Variants in CD300LD observed in about 807,000 individuals in gnomAD.
The protein encoded by CD300LD is CMRF35-like molecule 5.
A neutral mutation model predicts 20.3 loss-of-function variants in CD300LD; 18 were observed. The ratio of observed to expected loss-of-function variants is 0.89; its 90% CI spans 0.61 to 1.32. The LOEUF (loss-of-function observed/expected upper bound fraction) is 1.32. Among genes scored for constraint, CD300LD ranks in the 40% most tolerant of loss-of-function variants. CD300LD has a pLI of 0.00. For synonymous variants in CD300LD, 104 were observed against 90.1 expected (o/e 1.15, Z -0.87); for missense variants, 195 against 226.6 (o/e 0.86, Z 0.90).
At position 74,588,632 on chromosome 17, in the gene CD300LD, T is replaced by C; in HGVS notation, c.258A>G (p.Lys86=). 6.2e-7 allele frequency: 1 copy of C among 1,614,182 alleles called. No homozygotes were observed. The highest frequency in any genetic ancestry group is 1.1e-5 in the South Asian group (1 of 91,080). ...KNRVSIRDNQ[K]NHVFTVTMEN... ...CCATGGTCACGGTGAACACGTGGTT[T>C]TTCTGATTGTCCCTGATGGAAACTC... Residue 86 remains lysine, a synonymous_variant, in exon 2 of 4, where the codon AAA becomes AAG. Coordinates refer to ENST00000375352, the MANE Select transcript of CD300LD (RefSeq NM_001115152.2).
Position 74,580,096 on chromosome 17 carries a change from G to A in CD300LD, c.491C>T (p.Thr164Ile). ...SPLTRSPLKS[T>I]HFLFLFLLEL... ...CAGGAGGAACAGGAACAGGAAGTGGGTGCTCTTGAGCGGGGACCTGTGGGA... is the reference window on the plus strand; with the variant it reads ...CAGGAGGAACAGGAACAGGAAGTGGATGCTCTTGAGCGGGGACCTGTGGGA... The change falls in exon 4 of 4, where the codon ACC becomes ATC. Residue 164 changes from threonine to isoleucine, a missense_variant. Thr to Ile is a moderately conservative substitution (Grantham distance 89). Transcript: ENST00000375352. The A allele has an allele frequency of 6.2e-7, 1 of 1,611,858 alleles. No homozygotes were observed. Among genetic ancestry groups the A allele is most frequent in the Non-Finnish European group, 8.5e-7 (1 of 1,178,834 alleles).
intron 1 of CD300LD, among the ~76,000 whole-genome samples, chr17:74,591,200 GC>G (rs2030304193): frequency 6.7e-6 from 1 of 150,136 alleles, no homozygotes; most frequent in East Asian, 2.0e-4. Context: ...GATCACTTGA[GC>G]CCAGGAGTTT....
chr17:74,591,262 A>ATAATAATAATAAT (rs149944866), intron 1 of CD300LD, among the ~76,000 whole-genome samples: 3 of 114,116 alleles, frequency 2.6e-5, no homozygotes, highest in Admixed American at 2.4e-4. Flanking sequence ...AAAAAAAAAA[A>ATAATAATAATAAT]AATAAAAATA....
intron 2 of CD300LD, among the ~76,000 whole-genome samples, chr17:74,586,346 C>T (rs1256605389): frequency 3.3e-5 from 5 of 152,108 alleles, no homozygotes; most frequent in African/African-American, 9.7e-5. Context: ...GTGGAAAAAT[C>T]GGACACTTCA....
intron 1 of CD300LD, among the ~76,000 whole-genome samples, chr17:74,591,083 G>T (rs2030300482): frequency 6.6e-6 from 1 of 151,670 alleles, no homozygotes; most frequent in Admixed American, 6.6e-5. Context: ...CAGAAGGAAG[G>T]AAAGGAAGGA....
chr17:74,588,101 C>T (rs1444330874), intron 2 of CD300LD, among the ~76,000 whole-genome samples: 1 of 152,178 alleles, frequency 6.6e-6, no homozygotes, highest in Non-Finnish European at 1.5e-5. Flanking sequence ...TGAGGGCCTT[C>T]TTGATGGCAG....
intron 1 of CD300LD, 81 bp from the exon 2 acceptor site, chr17:74,588,930 A>G: frequency 1.1e-6 from 1 of 916,794 alleles, no homozygotes; most frequent in African/African-American, 1.7e-5. Flanking sequence ...GTAGCAGCCA[A>G]ATCCAACTGC....
intron 3 of CD300LD, among the ~76,000 whole-genome samples, chr17:74,580,465 C>T (rs1241978221): frequency 6.6e-6 from 1 of 152,272 alleles, no homozygotes; most frequent in Non-Finnish European, 1.5e-5. Flanking sequence ...GAGGGCCTCT[C>T]CGCCCTCATC....
chr17:74,590,777 GTTAT>G (rs1461662614), intron 1 of CD300LD: 1 of 152,166 alleles, frequency 6.6e-6, no homozygotes, highest in East Asian at 1.9e-4. Context: ...ACATCTGGAA[GTTAT>G]TTATAAGAAA....
chr17:74,583,736 C>T (rs2952448), intron 2 of CD300LD, among the ~76,000 whole-genome samples: 2,586 of 147,926 alleles, frequency 0.017, 78 homozygotes, highest in African/African-American at 0.061. Flanking sequence ...TATTCCATTG[C>T]ATGAGTATTT....
At chr17:74,583,398 G>A (rs371525655) in intron 2 of CD300LD, among the ~76,000 whole-genome samples, 4 of 152,340 alleles carry the variant, frequency 2.6e-5, no homozygotes, top group African/African-American at 4.8e-5. Flanking sequence ...GCAAGAAGGG[G>A]TAGCAAGAAG....
chr17:74,586,893 C>T (rs2030173166), intron 2 of CD300LD, among the ~76,000 whole-genome samples: 1 of 152,210 alleles, frequency 6.6e-6, no homozygotes, highest in Non-Finnish European at 1.5e-5. Context: ...ATATATTGCT[C>T]AGCTACTGCT....
At chr17:74,582,587 G>C (rs908600260) in intron 2 of CD300LD, among the ~76,000 whole-genome samples, 1 of 152,196 alleles carries the variant, frequency 6.6e-6, no homozygotes, top group Non-Finnish European at 1.5e-5. Context: ...CGCTCTCCTC[G>C]GGCTAGGCTA....
chr17:74,579,353 C>T (rs1048434751), downstream of CD300LD: 1 of 152,054 alleles, frequency 6.6e-6, no homozygotes, highest in Non-Finnish European at 1.5e-5. Context: ...GGCTCACAGA[C>T]CTGAGATCAC....
In CD300LD at chr17:74,580,133, G is replaced by A. The variant is rs769329281; in HGVS notation, c.474-20C>T. 4.2e-5 allele frequency: 65 copies of A among 1,530,928 alleles called. No individual in the cohort carries two copies. The highest frequency in any genetic ancestry group is 5.3e-5 in the Non-Finnish European group (59 of 1,112,434). The allele number at this position is 1,530,928 out of a possible 1,614,324, so 94.8% of individuals were successfully genotyped here. ...GGGGACCTGTGGGAACACGGTGACAGGAAATGAGCTGCCTCCTGGGTCAGA... is the reference window on the plus strand; with the variant it reads ...GGGGACCTGTGGGAACACGGTGACAAGAAATGAGCTGCCTCCTGGGTCAGA... On this transcript the variant is annotated intron_variant, in intron 3 of 3. Coordinates refer to ENST00000375352, the MANE Select transcript of CD300LD (RefSeq NM_001115152.2).
chr17:74,582,128 G>A (rs528511011), intron 3 of CD300LD, 90 bp downstream of exon 3: 90 of 934,736 alleles, frequency 9.6e-5, no homozygotes, highest in Non-Finnish European at 1.4e-4. Flanking sequence ...GTGTAACTGG[G>A]CATGCTATTG....
At chr17:74,590,211 C>T (rs2030273679) in intron 1 of CD300LD, among the ~76,000 whole-genome samples, 1 of 152,134 alleles carries the variant, frequency 6.6e-6, no homozygotes, top group South Asian at 2.1e-4. Flanking sequence ...GGCTCTCATT[C>T]TCTCTCTTGC....
chr17:74,587,068 G>A (rs1369989196), intron 2 of CD300LD, among the ~76,000 whole-genome samples: 1 of 151,902 alleles, frequency 6.6e-6, no homozygotes, highest in African/African-American at 2.4e-5. Context: ...AGAATCTCTG[G>A]AACCCAGGAG....
rs367627787 is a variant in CD300LD, at chr17:74,582,266, A to G, written c.425T>C (p.Leu142Pro). Reference sequence around the variant, plus strand: ...CTGGGTGGCTGCAGCTGTGAAAGCCAGGCTTGCTGTTGTGGTTGTCCATTC... The same window carrying G: ...CTGGGTGGCTGCAGCTGTGAAAGCCGGGCTTGCTGTTGTGGTTGTCCATTC... Reference protein sequence around the residue: ...VSEWTTTTASLAFTAAATQKT... With the variant: ...VSEWTTTTASPAFTAAATQKT... The change falls in exon 3 of 4, where the codon CTG becomes CCG. Residue 142 changes from leucine to proline, a missense_variant. Coordinates refer to ENST00000375352, the MANE Select transcript of CD300LD (RefSeq NM_001115152.2). 1.9e-6 allele frequency: 3 copies of G among 1,613,852 alleles called. No homozygotes were observed. The highest frequency in any genetic ancestry group is 2.7e-5 in the African/African-American group (2 of 75,022).
Sources: allele counts gnomAD v4.1 joint callset (sites outside exome capture counted in the v4.1 genomes callset), GRCh38; gene constraint gnomAD v4.1.1; transcripts MANE v1.5; gene names NCBI Gene and HGNC (gene_info 2026-07-23, HGNC 2026-07-21).